The following HTR4 variants were observed in gnomAD, a reference collection of about 807,000 sequenced individuals.
The protein encoded by HTR4 is 5-hydroxytryptamine receptor 4, also known as 5-hydroxytryptamine (serotonin) receptor 4, G protein-coupled.
In HTR4, 16 loss-of-function variants were observed where a neutral mutation model predicts 36.8. The ratio of observed to expected loss-of-function variants is 0.43; its 90% CI spans 0.29 to 0.66. The LOEUF (loss-of-function observed/expected upper bound fraction) is 0.66, where lower values mean the gene tolerates loss of function less well. Ranked by LOEUF, HTR4 falls within the 30% of genes least tolerant of loss-of-function variation. The pLI, the probability that HTR4 is intolerant of heterozygous loss-of-function variation, is 0.13. For synonymous variants in HTR4, 189 were observed against 185.1 expected (o/e 1.02, Z -0.17); for missense variants, 438 against 490.9 (o/e 0.89, Z 1.02).
chr5:148,644,012 ATAAGAATCACCCGGAGGCTTG>A (rs1279178829), intron 1 of HTR4, among the ~76,000 whole-genome samples: 1 of 152,216 alleles, frequency 6.6e-6, no homozygotes, highest in African/African-American at 2.4e-5. Context: ...TTAGGCATGC[ATAAGAATCACCCGGAGGCTTG>A]TAAAAATGAA....
In HTR4 at chr5:148,531,607, A is replaced by G. The variant is rs114888615; in HGVS notation, c.354-8261T>C. 9.2e-3 allele frequency among the ~76,000 whole-genome samples: 1,393 copies of G among 152,192 alleles called. 18 individuals carry two copies. The highest frequency in any genetic ancestry group is 0.031 in the African/African-American group (1,306 of 41,520). On this transcript the variant is annotated intron_variant, in intron 4 of 6. Transcript: ENST00000377888. The stretch of plus-strand genomic sequence containing the variant: ...CCTCTAAAATGAAGTGTGTATCCAA[A>G]CCCACTTAATTTTTCTAGGGATTTG...
At chr5:148,602,808 G>A (rs1762046474) in intron 2 of HTR4, among the ~76,000 whole-genome samples, 1 of 151,990 alleles carries the variant, frequency 6.6e-6, no homozygotes, top group African/African-American at 2.4e-5. Flanking sequence ...ATGACAAATG[G>A]CACATACCAG....
At chr5:148,516,621 A>T (rs1757770609) in intron 5 of HTR4, among the ~76,000 whole-genome samples, 1 of 138,330 alleles carries the variant, frequency 7.2e-6, no homozygotes, top group Non-Finnish European at 1.5e-5. Flanking sequence ...CCTGGCCAAA[A>T]ATTCCCTTTT....
In HTR4 at chr5:148,481,559, G is replaced by A. The variant is rs1268846174; in HGVS notation, c.*1644C>T. The A allele has an allele frequency of 6.6e-7, 1 of 1,521,912 alleles. No homozygotes were observed. The allele number at this position is 1,521,912 out of a possible 1,614,324, so 94.3% of individuals were successfully genotyped here. The stretch of plus-strand genomic sequence containing the variant: ...GCTTTTTTTTTTCTTTTTCTTTTTG[G>A]CATTTGGATGGTTTGGTCAATCTTC... On this transcript the variant is annotated 3_prime_UTR_variant, in exon 7 of 7. Transcript: ENST00000377888.
At chr5:148,499,168 T>C (rs140234189) in intron 6 of HTR4, among the ~76,000 whole-genome samples, 1,882 of 152,268 alleles carry the variant, frequency 0.012, 20 homozygotes, top group Middle Eastern at 0.048. Flanking sequence ...AATTTTCTCA[T>C]CTTTAAAATG....
At chr5:148,633,282 T>C (rs1481695123) in intron 2 of HTR4, among the ~76,000 whole-genome samples, 1 of 152,166 alleles carries the variant, frequency 6.6e-6, no homozygotes, top group African/African-American at 2.4e-5. Flanking sequence ...TTATAATGCT[T>C]CTCATATTGC....
chr5:148,482,239 A>G lies in HTR4; in HGVS notation c.*964T>C, dbSNP rs1429992452. 4 of 985,408 alleles carry G rather than the reference A, an allele frequency of 4.1e-6. No homozygotes were observed. Among genetic ancestry groups the G allele is most frequent in the Non-Finnish European group, 3.6e-6 (3 of 830,032 alleles). The allele number at this position is 985,408 out of a possible 1,614,324, so 61.0% of individuals were successfully genotyped here. A position where few individuals can be genotyped will look rare whatever the true frequency, so the allele number is the denominator to read the frequency against. ...AGTTTCCCCAGTGTGAACTTCCAACAGTTATCTCCTTTGGCAGCAACAAAG... is the reference window on the plus strand; with the variant it reads ...AGTTTCCCCAGTGTGAACTTCCAACGGTTATCTCCTTTGGCAGCAACAAAG... On this transcript the variant is annotated 3_prime_UTR_variant, in exon 7 of 7. Coordinates refer to ENST00000377888, the MANE Select transcript of HTR4 (RefSeq NM_000870.7).
chr5:148,496,795 T>A (rs1273469728), intron 6 of HTR4, among the ~76,000 whole-genome samples: 2 of 152,242 alleles, frequency 1.3e-5, no homozygotes, highest in African/African-American at 4.8e-5. Flanking sequence ...CAGCTCCTGA[T>A]AAACCTTGTG....
At chr5:148,481,488 A>G (rs1755880278), downstream of HTR4, 3 of 1,334,722 alleles carry the variant, frequency 2.2e-6, no homozygotes, top group Non-Finnish European at 3.0e-6. Flanking sequence ...CTTCCCTAAA[A>G]CATGACTTTC....
intron 6 of HTR4, among the ~76,000 whole-genome samples, chr5:148,486,749 G>A (rs779230771): frequency 2.2e-4 from 34 of 152,272 alleles, no homozygotes; most frequent in Non-Finnish European, 3.8e-4. Context: ...GTGGAGGGAA[G>A]AGGTTTCGCT....
intron 6 of HTR4, among the ~76,000 whole-genome samples, chr5:148,486,421 A>G (rs752366204): frequency 4.6e-5 from 7 of 152,176 alleles, no homozygotes; most frequent in Non-Finnish European, 1.0e-4. Context: ...TCAGAGAAGA[A>G]AGCAGCAGAG....
intron 4 of HTR4, among the ~76,000 whole-genome samples, chr5:148,544,087 A>G (rs982806935): frequency 6.6e-6 from 1 of 152,152 alleles, no homozygotes; most frequent in Non-Finnish European, 1.5e-5. Flanking sequence ...TGAAGTTTAA[A>G]ATGTGTATTA....
chr5:148,628,794 GCTT>G (rs1265649654), intron 2 of HTR4: 1 of 152,284 alleles, frequency 6.6e-6, no homozygotes, highest in Middle Eastern at 3.4e-3. Context: ...ATAGAAAGGA[GCTT>G]CTAAGAAATT....
chr5:148,530,422 C>A (rs999243100), intron 4 of HTR4, among the ~76,000 whole-genome samples: 3 of 152,164 alleles, frequency 2.0e-5, no homozygotes, highest in African/African-American at 7.2e-5. Flanking sequence ...AAGGAGCCAA[C>A]ATAGAGCTCA....
chr5:148,497,056 C>A (rs1434258934), intron 6 of HTR4, among the ~76,000 whole-genome samples: 2 of 152,110 alleles, frequency 1.3e-5, no homozygotes, highest in African/African-American at 2.4e-5. Context: ...CCACAATGAA[C>A]CTTTAGCAAT....
intron 2 of HTR4, among the ~76,000 whole-genome samples, chr5:148,607,985 C>G (rs577082459): frequency 5.3e-5 from 8 of 152,182 alleles, no homozygotes; most frequent in Admixed American, 1.3e-4. Flanking sequence ...TACTGGAGGG[C>G]GACGGCTAAG....
chr5:148,641,979 A>G (rs1753742667), intron 1 of HTR4, among the ~76,000 whole-genome samples: 1 of 152,200 alleles, frequency 6.6e-6, no homozygotes, highest in Admixed American at 6.5e-5. Flanking sequence ...CAACATCTGC[A>G]AACCTGGAGC....
At chr5:148,548,158 G>C (rs1759482338) in intron 4 of HTR4, among the ~76,000 whole-genome samples, 1 of 152,066 alleles carries the variant, frequency 6.6e-6, no homozygotes, top group South Asian at 2.1e-4. Flanking sequence ...AAAATTATTG[G>C]GAAGTTTACT....
chr5:148,484,516 G>C, intron 6 of HTR4: 1 of 748,044 alleles, frequency 1.3e-6, no homozygotes, highest in Non-Finnish European at 2.1e-6. Context: ...CTATCTCCAG[G>C]CTTCCACCTA....
Sources: allele counts gnomAD v4.1 joint callset (sites outside exome capture counted in the v4.1 genomes callset), GRCh38; gene constraint gnomAD v4.1.1; transcripts MANE v1.5; gene names NCBI Gene and HGNC (gene_info 2026-07-23, HGNC 2026-07-21).